The following CCSER1 variants were observed in gnomAD, a reference collection of about 807,000 sequenced individuals.
CCSER1 encodes coiled-coil serine rich protein 1, also known as serine-rich coiled-coil domain-containing protein 1.
A neutral mutation model predicts 82.0 loss-of-function variants in CCSER1; 41 were observed. The observed-to-expected ratio is 0.50, with a 90% CI of 0.39 to 0.65. The LOEUF (loss-of-function observed/expected upper bound fraction) is 0.65, where lower values mean the gene tolerates loss of function less well. Among genes scored for constraint, CCSER1 ranks in the 30% least tolerant of loss-of-function variants. CCSER1 has a pLI of 0.00. For synonymous variants in CCSER1, 414 were observed against 383.9 expected, an observed-to-expected ratio of 1.08 and a Z score of -0.92; for missense variants, 1,119 against 1,064.2, an observed-to-expected ratio of 1.05 and a Z score of -0.72.
chr4:91,450,059 C>A (rs560771528), intron 10 of CCSER1, among the ~76,000 whole-genome samples: 13 of 152,094 alleles, frequency 8.5e-5, no homozygotes, highest in Non-Finnish European at 1.6e-4. Context: ...TTGCTATGAA[C>A]TGGGTACTAC....
chr4:90,927,870 G>C (rs891982274), intron 9 of CCSER1, among the ~76,000 whole-genome samples: 5 of 152,034 alleles, frequency 3.3e-5, no homozygotes, highest in African/African-American at 1.2e-4. Context: ...AGATAGAGCA[G>C]AAGTGTTTTT....
chr4:90,976,811 A>G (rs1339932226), intron 9 of CCSER1, among the ~76,000 whole-genome samples: 4 of 151,574 alleles, frequency 2.6e-5, no homozygotes, highest in Non-Finnish European at 5.9e-5. Flanking sequence ...TATCCATAAT[A>G]TTTTACAAAG....
intron 9 of CCSER1, among the ~76,000 whole-genome samples, chr4:91,043,456 A>G (rs1742150630): frequency 6.6e-6 from 1 of 152,142 alleles, no homozygotes; most frequent in African/African-American, 2.4e-5. Flanking sequence ...AGGCCCAACC[A>G]AATGCACAGT....
chr4:90,481,149 G>C lies in CCSER1; in HGVS notation c.1724+12795G>C, dbSNP rs556021824. Among the ~76,000 whole-genome samples the C allele has an allele frequency of 2.1e-3, 313 of 152,250 alleles. 1 individual carries two copies. Among genetic ancestry groups the C allele is most frequent in the Non-Finnish European group, 3.4e-3 (229 of 68,016 alleles). On this transcript the variant is annotated intron_variant, in intron 5 of 10. Coordinates refer to ENST00000509176, the MANE Select transcript of CCSER1 (RefSeq NM_001145065.2). Reference sequence around the variant, plus strand: ...TATTCTCATTGAAGCAATTATGAATGGGAGTTCACTCATGATTTGGCTCTC... The same window carrying C: ...TATTCTCATTGAAGCAATTATGAATCGGAGTTCACTCATGATTTGGCTCTC...
chr4:91,134,491 G>A (rs1728285071), intron 10 of CCSER1, among the ~76,000 whole-genome samples: 1 of 151,728 alleles, frequency 6.6e-6, no homozygotes. Context: ...TGAGCATCAA[G>A]TTAAATACTG....
intron 10 of CCSER1, among the ~76,000 whole-genome samples, chr4:91,266,462 A>G (rs1741594013): frequency 6.6e-6 from 1 of 152,048 alleles, no homozygotes; most frequent in African/African-American, 2.4e-5. Flanking sequence ...CATGTTAGCC[A>G]GGATGGTCTC....
chr4:91,319,580 T>C, intron 10 of CCSER1: 2 of 443,492 alleles, frequency 4.5e-6, no homozygotes, highest in South Asian at 3.2e-5. Context: ...AAAGAATAAG[T>C]GTCACAAAGA....
intron 9 of CCSER1, among the ~76,000 whole-genome samples, chr4:91,028,560 A>G (rs2150548359): frequency 6.6e-6 from 1 of 152,130 alleles, no homozygotes; most frequent in African/African-American, 2.4e-5. Context: ...AAGCATGCCA[A>G]TAAATAATGT....
At chr4:90,891,408 T>C (rs567165948) in intron 8 of CCSER1, among the ~76,000 whole-genome samples, 1 of 151,646 alleles carries the variant, frequency 6.6e-6, no homozygotes, top group East Asian at 1.9e-4. Context: ...ATACTATTTT[T>C]ATAGTACTGG....
intron 9 of CCSER1, among the ~76,000 whole-genome samples, chr4:90,934,297 A>G (rs527304903): frequency 6.6e-6 from 1 of 152,322 alleles, no homozygotes; most frequent in East Asian, 1.9e-4. Context: ...ACATTTAACA[A>G]CCAAATCTAA....
At chr4:90,496,131 T>A (rs1768959602) in intron 5 of CCSER1, among the ~76,000 whole-genome samples, 1 of 152,162 alleles carries the variant, frequency 6.6e-6, no homozygotes, top group African/African-American at 2.4e-5. Context: ...TGGTTCTGAG[T>A]GATTCAGCAA....
intron 8 of CCSER1, among the ~76,000 whole-genome samples, chr4:90,910,125 C>G (rs1726111182): frequency 6.6e-6 from 1 of 152,034 alleles, no homozygotes; most frequent in Admixed American, 6.6e-5. Flanking sequence ...AAAGAGAGAG[C>G]AAAGTGGGAA....
chr4:91,559,071 C>T (rs1278370461), intron 10 of CCSER1, among the ~76,000 whole-genome samples: 1 of 151,290 alleles, frequency 6.6e-6, no homozygotes, highest in Non-Finnish European at 1.5e-5. Flanking sequence ...ATAAGTTTAC[C>T]TTACATATGT....
rs377323502 is a variant in CCSER1 at position 91,154,728 on chromosome 4, A to G, written c.2217+68734A>G. On this transcript the variant is annotated intron_variant, in intron 10 of 10. Transcript: ENST00000509176. ...GTAAACCAGTAACTATGCATATGAG[A>G]TGAATACTGGATAATGATAAGAGCT... Among the ~76,000 whole-genome samples, 60 of 152,154 alleles carry G rather than the reference A, an allele frequency of 3.9e-4. 1 individual carries two copies. The South Asian group carries it at 7.1e-3, about 18-fold the overall frequency.
chr4:90,129,892 A>T (rs1343324747), intron 1 of CCSER1, among the ~76,000 whole-genome samples: 2 of 152,234 alleles, frequency 1.3e-5, no homozygotes, highest in Non-Finnish European at 2.9e-5. Context: ...TACCTCAACT[A>T]TCCCAAACTA....
chr4:90,214,017 C>T (rs1218697936), intron 1 of CCSER1, among the ~76,000 whole-genome samples: 1 of 152,046 alleles, frequency 6.6e-6, no homozygotes, highest in Non-Finnish European at 1.5e-5. Context: ...AAGGTTAATA[C>T]ATTATGTTTA....
intron 8 of CCSER1, among the ~76,000 whole-genome samples, chr4:90,887,296 A>G (rs867051433): frequency 6.6e-6 from 1 of 152,218 alleles, no homozygotes; most frequent in Middle Eastern, 3.4e-3. Flanking sequence ...AGAGAGAGAG[A>G]AAGATGCTGT....
intron 5 of CCSER1, among the ~76,000 whole-genome samples, chr4:90,592,237 CACTGATTTTTA>C (rs1782797815): frequency 6.6e-6 from 1 of 151,942 alleles, no homozygotes; most frequent in Admixed American, 6.6e-5. Flanking sequence ...AAAAAGAAAA[CACTGATTTTTA>C]ACTGACAGAT....
chr4:91,289,817 C>T (rs1743609613), intron 10 of CCSER1, among the ~76,000 whole-genome samples: 1 of 151,790 alleles, frequency 6.6e-6, no homozygotes, highest in Non-Finnish European at 1.5e-5. Context: ...GAAAAATGGC[C>T]ACAAATTTTC....
Sources: allele counts gnomAD v4.1 joint callset (sites outside exome capture counted in the v4.1 genomes callset), GRCh38; gene constraint gnomAD v4.1.1; transcripts MANE v1.5; gene names NCBI Gene and HGNC (gene_info 2026-07-23, HGNC 2026-07-21).